The following LAMB4 variants were observed in gnomAD, a reference collection of about 807,000 sequenced individuals.
The protein encoded by LAMB4 is laminin subunit beta 4, also known as laminin subunit beta-4.
Under a neutral mutation model 199.2 loss-of-function variants are expected in LAMB4, and 196 were observed. That is an observed-to-expected ratio of 0.98 (90% CI 0.88 to 1.11). The LOEUF (loss-of-function observed/expected upper bound fraction) is 1.11. LAMB4 is among the 50% of genes least tolerant of loss of function. LAMB4 has a pLI of 0.00. For synonymous variants in LAMB4, 744 were observed against 770.6 expected (o/e 0.97, Z 0.57); for missense variants, 2,080 against 2,171.2 (o/e 0.96, Z 0.83).
At chr7:108,113,877 G>A (rs954841171) in intron 3 of LAMB4, among the ~76,000 whole-genome samples, 2 of 152,184 alleles carry the variant, frequency 1.3e-5, no homozygotes, top group African/African-American at 4.8e-5. Flanking sequence ...CTGCGTGAAT[G>A]TTTGTCTAGA....
At position 108,068,152 on chromosome 7, in the gene LAMB4, C is replaced by T. The variant is rs746392363; in HGVS notation, c.2310G>A (p.Lys770=). Residue 770 remains lysine, a synonymous_variant, in exon 19 of 34, where the codon AAG becomes AAA. Transcript: ENST00000388781. ...ATCCGACTGAGCCCTGGGGGTGACACTTGCAGGCTGCAAGGAACAATGGAA... is the reference window on the plus strand; with the variant it reads ...ATCCGACTGAGCCCTGGGGGTGACATTTGCAGGCTGCAAGGAACAATGGAA... ...AKLHDGAVAC[K]CHPQGSVGSS... The T allele has an allele frequency of 3.5e-5, 56 of 1,613,988 alleles. No individual in the cohort carries two copies. The East Asian group carries it at 1.2e-3, about 34-fold the overall frequency.
chr7:108,016,275 A>AT, the LAMB4 span, among the ~76,000 whole-genome samples: 11,400 of 97,868 alleles, frequency 0.12, 1,533 homozygotes, highest in African/African-American at 0.22. Context: ...GCATTTTGGA[A>AT]TTTTTTTTTT....
intron 28 of LAMB4, among the ~76,000 whole-genome samples, chr7:108,046,747 G>A (rs186107059): frequency 2.0e-5 from 3 of 151,932 alleles, no homozygotes; most frequent in African/African-American, 7.2e-5. Flanking sequence ...TTCAAGGTAT[G>A]GTTTAATTCC....
At chr7:108,048,417 C>T (rs1157056608) in intron 27 of LAMB4, among the ~76,000 whole-genome samples, 1 of 151,972 alleles carries the variant, frequency 6.6e-6, no homozygotes, top group Non-Finnish European at 1.5e-5. Flanking sequence ...CCGCCCACCT[C>T]GGCCTCCCAA....
At chr7:108,020,537 T>C (rs1339393690), downstream of LAMB4, among the ~76,000 whole-genome samples, 4 of 151,714 alleles carry the variant, frequency 2.6e-5, no homozygotes, top group East Asian at 5.8e-4. Flanking sequence ...ATATTATCAA[T>C]TGACTACATA....
At position 108,109,969 on chromosome 7, in the gene LAMB4, T is replaced by C. The variant is rs560845083; in HGVS notation, c.329-725A>G. 2.0e-5 allele frequency among the ~76,000 whole-genome samples: 3 copies of C among 152,314 alleles called. No homozygotes were observed. The South Asian group carries it at 6.2e-4, about 32-fold the overall frequency. ...AAAAAGGTAAAAAGAAACAGGTAAA[T>C]TTGTTTGTAATAATAAACCAACATA... On this transcript the variant is annotated intron_variant, in intron 4 of 33. Coordinates refer to ENST00000388781, the MANE Select transcript of LAMB4 (RefSeq NM_007356.3).
At chr7:108,073,792 G>GTGC (rs2036608673) in intron 17 of LAMB4, among the ~76,000 whole-genome samples, 1 of 152,208 alleles carries the variant, frequency 6.6e-6, no homozygotes, top group South Asian at 2.1e-4. Context: ...AGAGACCACA[G>GTGC]TGCACACTGT....
In LAMB4 at chr7:108,038,397, C is replaced by A. The variant is rs557773417; in HGVS notation, c.4472-802G>T. Among the ~76,000 whole-genome samples, 19 of 152,224 alleles carry A rather than the reference C, an allele frequency of 1.2e-4. No homozygotes were observed. In the East Asian group the frequency reaches 2.7e-3, roughly 22 times the overall value. The stretch of plus-strand genomic sequence containing the variant: ...AGGATGGTCTCGATCTCCTGACCTC[C>A]TGATCCACCCACCTTGCCCTCCCAA... On this transcript the variant is annotated intron_variant, in intron 29 of 33. Transcript: ENST00000388781.
At chr7:108,033,566 G>T (rs1356974632) in intron 31 of LAMB4, among the ~76,000 whole-genome samples, 5 of 151,934 alleles carry the variant, frequency 3.3e-5, no homozygotes, top group Non-Finnish European at 7.4e-5. Context: ...CTGCCACCAT[G>T]CCTGGCTAAT....
rs149172201 is a variant in LAMB4, at chr7:108,050,194, G to A, written c.3917-663C>T. On this transcript the variant is annotated intron_variant, in intron 26 of 33. Coordinates refer to ENST00000388781, the MANE Select transcript of LAMB4 (RefSeq NM_007356.3). ...TGGGCAGGATTCACCCTGATGCTGCGGTTTCCTGAACCCTGATGTTGAGGC... is the reference window on the plus strand; with the variant it reads ...TGGGCAGGATTCACCCTGATGCTGCAGTTTCCTGAACCCTGATGTTGAGGC... Among the ~76,000 whole-genome samples the A allele has an allele frequency of 3.3e-5, 5 of 152,258 alleles. No individual in the cohort carries two copies. In the East Asian group the frequency reaches 5.8e-4, roughly 18 times the overall value.
intron 15 of LAMB4, 86 bp downstream of exon 15, chr7:108,079,515 C>G (rs2036844028): frequency 1.8e-6 from 2 of 1,121,046 alleles, no homozygotes. Flanking sequence ...TCTGATGAAC[C>G]TATTCTAGCA....
chr7:108,053,646 G>A (rs2035893591), intron 25 of LAMB4, among the ~76,000 whole-genome samples: 1 of 152,220 alleles, frequency 6.6e-6, no homozygotes, highest in South Asian at 2.1e-4. Flanking sequence ...AAGAAGCTCA[G>A]CAGCCACTGC....
At chr7:108,107,224 G>A (rs1042275701) in intron 6 of LAMB4, among the ~76,000 whole-genome samples, 1 of 152,212 alleles carries the variant, frequency 6.6e-6, no homozygotes, top group Non-Finnish European at 1.5e-5. Flanking sequence ...CCAACCTTCT[G>A]CCAGGCACCA....
chr7:108,082,876 G>C (rs757433588), intron 14 of LAMB4, among the ~76,000 whole-genome samples: 1 of 152,100 alleles, frequency 6.6e-6, no homozygotes, highest in Non-Finnish European at 1.5e-5. Flanking sequence ...CCCATTTAAA[G>C]CACCAGTCTT....
chr7:108,018,711 A>G (rs887041326), downstream of LAMB4, among the ~76,000 whole-genome samples: 1 of 152,168 alleles, frequency 6.6e-6, no homozygotes, highest in Non-Finnish European at 1.5e-5. Context: ...TCTCAAAAAC[A>G]AAAACAAAAA....
intron 6 of LAMB4, among the ~76,000 whole-genome samples, chr7:108,107,413 C>T (rs2038061357): frequency 6.6e-6 from 1 of 152,174 alleles, no homozygotes; most frequent in Non-Finnish European, 1.5e-5. Flanking sequence ...AGTGTTATCC[C>T]ATGCCCACCT....
chr7:108,029,377 G>GA (rs2034951842), intron 32 of LAMB4, among the ~76,000 whole-genome samples, 181 bp from the exon 33 acceptor site: 2 of 151,944 alleles, frequency 1.3e-5, no homozygotes, highest in Admixed American at 6.5e-5. Context: ...TTTTCAGATT[G>GA]AAAAAAATGT....
At chr7:108,061,251 A>G (rs2036149591) in intron 23 of LAMB4, among the ~76,000 whole-genome samples, 1 of 151,984 alleles carries the variant, frequency 6.6e-6, no homozygotes. Flanking sequence ...GAAAAAGGAC[A>G]TTAGGTAAAA....
rs1474885037 is a variant in LAMB4, at chr7:108,053,369, T to A, written c.3756-1112A>T. Among the ~76,000 whole-genome samples, 5 of 152,196 alleles carry A rather than the reference T, an allele frequency of 3.3e-5. No homozygotes were observed. In the East Asian group the frequency reaches 9.6e-4, roughly 29 times the overall value. ...CCTCCTGTTCCCCTTCCACCTGTAG[T>A]TTACCCAGCAACATTTTTTTTAATA... is the stretch of plus-strand genomic sequence containing the variant. On this transcript the variant is annotated intron_variant, in intron 25 of 33. Coordinates refer to ENST00000388781, the MANE Select transcript of LAMB4 (RefSeq NM_007356.3).
Sources: gnomAD v4.1 joint callset for allele counts (sites outside exome capture counted in the v4.1 genomes callset) on GRCh38, gnomAD v4.1.1 for gene constraint, MANE v1.5 for transcripts, NCBI Gene and HGNC (gene_info 2026-07-23, HGNC 2026-07-21) for gene names.